The following TAOK3 variants were observed in gnomAD, a reference collection of about 807,000 sequenced individuals.
The protein encoded by TAOK3 is TAO kinase 3, also known as serine/threonine-protein kinase TAO3.
TAOK3 carries 40 observed loss-of-function variants against 120.4 expected under a neutral mutation model. That is an observed-to-expected ratio of 0.33 (90% confidence interval 0.26 to 0.43). The LOEUF is 0.43. Ranked by LOEUF, TAOK3 falls within the 20% of genes least tolerant of loss-of-function variation. The pLI, the probability that TAOK3 is intolerant of heterozygous loss-of-function variation, is 1.00. For synonymous variants in TAOK3, 355 were observed against 387.5 expected, an observed-to-expected ratio of 0.92 and a Z score of 0.99; for missense variants, 821 against 1,112.1, an observed-to-expected ratio of 0.74 and a Z score of 3.72.
chr12:118,262,731 G>T (rs1289567717), intron 2 of TAOK3, among the ~76,000 whole-genome samples: 1 of 150,992 alleles, frequency 6.6e-6, no homozygotes, highest in East Asian at 2.0e-4. Flanking sequence ...GGAGGCTGAG[G>T]CAGGAGAATC....
At chr12:118,208,004 T>G (rs995715953) in intron 11 of TAOK3, among the ~76,000 whole-genome samples, 2 of 152,162 alleles carry the variant, frequency 1.3e-5, no homozygotes, top group Non-Finnish European at 2.9e-5. Flanking sequence ...ATTAAAGGCT[T>G]TACGAGATTG....
chr12:118,354,301 C>T (rs1311352721), intron 1 of TAOK3, among the ~76,000 whole-genome samples: 1 of 152,132 alleles, frequency 6.6e-6, no homozygotes, highest in Non-Finnish European at 1.5e-5. Flanking sequence ...CACTGAGGTA[C>T]CACAACAGTC....
intron 14 of TAOK3, among the ~76,000 whole-genome samples, chr12:118,182,605 A>G (rs1268238687): frequency 9.3e-4 from 84 of 89,920 alleles, no homozygotes; most frequent in African/African-American, 1.3e-3. Flanking sequence ...GTGTGTATAT[A>G]TATATATATA....
At chr12:118,302,466 A>T (rs2042915163) in intron 1 of TAOK3, among the ~76,000 whole-genome samples, 1 of 152,188 alleles carries the variant, frequency 6.6e-6, no homozygotes, top group South Asian at 2.1e-4. Flanking sequence ...TCTAAGCCTC[A>T]GTTTTCTTAT....
intron 3 of TAOK3, among the ~76,000 whole-genome samples, chr12:118,245,799 A>G (rs2040466503): frequency 6.6e-6 from 1 of 152,224 alleles, no homozygotes; most frequent in Non-Finnish European, 1.5e-5. Flanking sequence ...ATATCAAACC[A>G]AACAAAAAAT....
intron 1 of TAOK3, among the ~76,000 whole-genome samples, chr12:118,281,653 G>T (rs780727599): frequency 3.3e-5 from 5 of 151,804 alleles, no homozygotes; most frequent in Non-Finnish European, 7.4e-5. Flanking sequence ...GGGTGGTGGT[G>T]GGTACGTGTA....
chr12:118,261,837 T>G (rs1036056933), intron 2 of TAOK3, among the ~76,000 whole-genome samples: 27 of 152,196 alleles, frequency 1.8e-4, no homozygotes, highest in African/African-American at 6.3e-4. Flanking sequence ...GTACAGAAGA[T>G]CAACACATAA....
At chr12:118,240,214 T>C (rs998844256) in intron 5 of TAOK3, among the ~76,000 whole-genome samples, 3 of 150,848 alleles carry the variant, frequency 2.0e-5, no homozygotes, top group African/African-American at 7.3e-5. Context: ...GAGTTCACTC[T>C]TGTTGCCCAG....
At chr12:118,215,331 A>AG (rs979868593) in intron 9 of TAOK3, among the ~76,000 whole-genome samples, 2 of 33,936 alleles carry the variant, frequency 5.9e-5, no homozygotes, top group African/African-American at 1.8e-4. Flanking sequence ...CCGTCTCTAC[A>AG]AAAAAAAAAA....
Position 118,235,633 on chromosome 12 carries a change from C to T in TAOK3, c.476G>A (p.Gly159Asp). Residue 159 changes from glycine (G) to aspartate (D), a missense_variant, in exon 8 of 21, where the codon GGT becomes GAT. Coordinates refer to ENST00000392533, the MANE Select transcript of TAOK3 (RefSeq NM_016281.4). ...KAGNILLTEP[G>D]QVKLADFGSA... ...TCCAAAATCAGCTAGTTTTACCTGA[C>T]CTGGCTCTGTTAGAAGAATATTTCC... 1 of 1,613,450 alleles carries T rather than the reference C, an allele frequency of 6.2e-7. No homozygotes were observed. Among genetic ancestry groups the T allele is most frequent in the Non-Finnish European group, 8.5e-7 (1 of 1,179,808 alleles).
intron 11 of TAOK3, among the ~76,000 whole-genome samples, chr12:118,206,883 CTG>C: frequency 1.3e-5 from 2 of 152,190 alleles, no homozygotes; most frequent in African/African-American, 4.8e-5. Context: ...GCGTGAGCCA[CTG>C]CACCCGGCCT....
chr12:118,154,126 A>G (rs983730458), intron 19 of TAOK3, among the ~76,000 whole-genome samples: 4 of 152,200 alleles, frequency 2.6e-5, no homozygotes, highest in Non-Finnish European at 4.4e-5. Context: ...CCCTCTTGAT[A>G]TGGGAGGTTC....
intron 1 of TAOK3, among the ~76,000 whole-genome samples, chr12:118,304,791 A>G (rs1442216242): frequency 6.6e-6 from 1 of 152,230 alleles, no homozygotes; most frequent in Non-Finnish European, 1.5e-5. Flanking sequence ...GCTTATAGGG[A>G]TGCCAATAAT....
intron 1 of TAOK3, among the ~76,000 whole-genome samples, chr12:118,340,272 C>T (rs2044559072): frequency 6.6e-6 from 1 of 152,026 alleles, no homozygotes; most frequent in Non-Finnish European, 1.5e-5. Context: ...ACCTTCCCTC[C>T]CAAGAGCAAA....
rs1217269780 is a variant in TAOK3 at position 118,161,418 on chromosome 12, T to C, written c.2139+370A>G. The stretch of plus-strand genomic sequence containing the variant: ...AGCTTGGATGTGGCTTTAGAGTCTT[T>C]CTCAATACAGCAGTGCTCAAAGTAC... On this transcript the variant is annotated intron_variant, in intron 18 of 20. Transcript: ENST00000392533. The surrounding 1 kb of genome is among the most constrained non-coding windows in gnomAD (Gnocchi z 4.5). Among the ~76,000 whole-genome samples the C allele has an allele frequency of 6.6e-6, 1 of 152,324 alleles. No individual in the cohort carries two copies. The highest frequency in any genetic ancestry group is 1.5e-5 in the Non-Finnish European group (1 of 68,026).
At chr12:118,170,693 G>A (rs966462093) in intron 17 of TAOK3, among the ~76,000 whole-genome samples, 1 of 152,176 alleles carries the variant, frequency 6.6e-6, no homozygotes. Flanking sequence ...AACCTAGGAG[G>A]TGGAGGTTGC....
At chr12:118,235,978 A>G (rs1012349273) in intron 7 of TAOK3, 3 of 240,252 alleles carry the variant, frequency 1.2e-5, no homozygotes, top group African/African-American at 6.6e-5. Flanking sequence ...CAGCTGCTAC[A>G]CTTACAAAGG....
At chr12:118,334,834 C>G (rs1039950059) in intron 1 of TAOK3, among the ~76,000 whole-genome samples, 4 of 151,208 alleles carry the variant, frequency 2.6e-5, no homozygotes, top group Non-Finnish European at 5.9e-5. Context: ...AGAGATTGTG[C>G]CCTTGCACTC....
At chr12:118,244,528 TTTTTC>T (rs1383066733) in intron 4 of TAOK3, among the ~76,000 whole-genome samples, 3 of 38,358 alleles carry the variant, frequency 7.8e-5, no homozygotes, top group Admixed American at 6.1e-4. Flanking sequence ...TTCTTTTTTC[TTTTTC>T]TTTTTTTTTT....
Sources: gnomAD v4.1 joint callset for allele counts (sites outside exome capture counted in the v4.1 genomes callset) on GRCh38, gnomAD v4.1.1 for gene constraint, Gnocchi (gnomAD v3.1) non-coding constraint, MANE v1.5 for transcripts, NCBI Gene and HGNC (gene_info 2026-07-23, HGNC 2026-07-21) for gene names.